The following CAMTA1 variants were observed in gnomAD, a reference collection of about 807,000 sequenced individuals.
CAMTA1 encodes calmodulin binding transcription activator 1.
A neutral mutation model predicts 170.9 loss-of-function variants in CAMTA1; 27 were observed. The observed-to-expected ratio is 0.16, with a 90% confidence interval of 0.12 to 0.22. The LOEUF (loss-of-function observed/expected upper bound fraction) is 0.22. CAMTA1 is among the 10% of genes least tolerant of loss of function. CAMTA1 has a pLI of 1.00. For synonymous variants in CAMTA1, 833 were observed against 891.5 expected (o/e 0.93, Z 1.17); for missense variants, 1,619 against 2,217.2 (o/e 0.73, Z 5.42).
chr1:6,844,819 A>G (rs4908570), intron 3 of CAMTA1, among the ~76,000 whole-genome samples: 102,695 of 151,986 alleles, frequency 0.68, 35,129 homozygotes, highest in Admixed American at 0.76. Flanking sequence ...CTCACAGAAT[A>G]CATACGATCA....
At chr1:7,100,799 G>A (rs764499254) in intron 4 of CAMTA1, among the ~76,000 whole-genome samples, 5 of 152,224 alleles carry the variant, frequency 3.3e-5, no homozygotes, top group South Asian at 2.1e-4. Context: ...TCTTGGGGAC[G>A]GCCAGGGCCA....
intron 5 of CAMTA1, among the ~76,000 whole-genome samples, chr1:7,408,758 G>C (rs1359651217): frequency 2.6e-5 from 4 of 152,232 alleles, no homozygotes; most frequent in Non-Finnish European, 5.9e-5. Context: ...GCAAGCATCA[G>C]AGCCGAGAGG....
intron 3 of CAMTA1, among the ~76,000 whole-genome samples, chr1:6,969,321 A>T (rs1284192462): frequency 1.3e-5 from 2 of 152,130 alleles, no homozygotes; most frequent in African/African-American, 4.8e-5. Flanking sequence ...GATGCCTGTG[A>T]CCTGAGTGGA....
intron 5 of CAMTA1, among the ~76,000 whole-genome samples, chr1:7,386,905 G>A (rs994763291): frequency 3.3e-4 from 51 of 152,266 alleles, no homozygotes; most frequent in African/African-American, 1.0e-3. Flanking sequence ...GGCAGTCTCC[G>A]CTGGTGACGT....
chr1:7,282,480 G>A (rs1671663615), intron 5 of CAMTA1, among the ~76,000 whole-genome samples: 1 of 152,150 alleles, frequency 6.6e-6, no homozygotes, highest in Admixed American at 6.5e-5. Flanking sequence ...CTGGACGGGT[G>A]GTTTCTATTC....
At chr1:7,617,296 C>CG (rs2095565603) in intron 6 of CAMTA1, among the ~76,000 whole-genome samples, 1 of 152,132 alleles carries the variant, frequency 6.6e-6, no homozygotes, top group Non-Finnish European at 1.5e-5. Flanking sequence ...TCCAGCTCAG[C>CG]GGGGGAAGAG....
At chr1:6,985,727 C>T (rs1040630578) in intron 3 of CAMTA1, among the ~76,000 whole-genome samples, 4 of 152,124 alleles carry the variant, frequency 2.6e-5, no homozygotes, top group East Asian at 1.9e-4. Context: ...TAGCAGTGCA[C>T]GGGGAGGATT....
chr1:7,319,860 ATTTTTTTT>A (rs35282935), intron 5 of CAMTA1, among the ~76,000 whole-genome samples: 1 of 149,894 alleles, frequency 6.7e-6, no homozygotes, highest in Non-Finnish European at 1.5e-5. Flanking sequence ...ATACTAAATC[ATTTTTTTT>A]TTCCTTGGCA....
chr1:7,197,204 C>T (rs1655680868), intron 4 of CAMTA1, among the ~76,000 whole-genome samples: 1 of 152,154 alleles, frequency 6.6e-6, no homozygotes, highest in East Asian at 1.9e-4. Flanking sequence ...CCTCTGAGAA[C>T]ACTGAAGCCA....
At chr1:7,375,471 C>T (rs1024581771) in intron 5 of CAMTA1, among the ~76,000 whole-genome samples, 1 of 152,196 alleles carries the variant, frequency 6.6e-6, no homozygotes, top group South Asian at 2.1e-4. Flanking sequence ...TATGCACTCA[C>T]CTGGTTGCCA....
chr1:6,785,457 G>C lies in CAMTA1; in HGVS notation c.-74G>C. ...GGGGCCAGGGCGGGTGCGCGGCGGC[G>C]GCGGGGTGGCTGGGCCGGCGGCGGC... On this transcript the variant is annotated 5_prime_UTR_variant, in exon 1 of 23. Transcript: ENST00000303635. 1.0e-6 allele frequency: 1 copy of C among 968,814 alleles called. No homozygotes were observed. Among genetic ancestry groups the C allele is most frequent in the South Asian group, 4.7e-5 (1 of 21,348 alleles). The allele number at this position is 968,814 out of a possible 1,614,324, so 60.0% of individuals were successfully genotyped here. A position where few individuals can be genotyped will look rare whatever the true frequency, so the allele number is the denominator to read the frequency against.
chr1:6,891,114 T>C (rs1223552636), intron 3 of CAMTA1, among the ~76,000 whole-genome samples: 1 of 152,176 alleles, frequency 6.6e-6, no homozygotes, highest in African/African-American at 2.4e-5. Flanking sequence ...ACATTTCTCT[T>C]TCCTTCCTCA....
At chr1:7,101,489 T>C (rs1325124549) in intron 4 of CAMTA1, among the ~76,000 whole-genome samples, 1 of 152,262 alleles carries the variant, frequency 6.6e-6, no homozygotes, top group Non-Finnish European at 1.5e-5. Flanking sequence ...CTGTCTTTGC[T>C]ATTCTTAGAT....
chr1:6,982,329 G>A (rs1239273267), intron 3 of CAMTA1, among the ~76,000 whole-genome samples: 2 of 152,198 alleles, frequency 1.3e-5, no homozygotes, highest in Non-Finnish European at 2.9e-5. Flanking sequence ...TGGAGATGAT[G>A]GACAGAGCTC....
chr1:7,511,178 C>G (rs2094197698), intron 6 of CAMTA1, among the ~76,000 whole-genome samples: 1 of 145,324 alleles, frequency 6.9e-6, no homozygotes, highest in Non-Finnish European at 1.5e-5. Context: ...GGGCACCTTG[C>G]ATAGTAGGTT....
At chr1:7,354,171 CAG>C (rs1453539397) in intron 5 of CAMTA1, among the ~76,000 whole-genome samples, 1 of 143,248 alleles carries the variant, frequency 7.0e-6, no homozygotes, top group Non-Finnish European at 1.5e-5. Context: ...TTTTTTGAGA[CAG>C]AGTCTTGTTC....
chr1:6,979,779 C>T (rs991242479), intron 3 of CAMTA1, among the ~76,000 whole-genome samples: 3 of 151,898 alleles, frequency 2.0e-5, no homozygotes, highest in East Asian at 1.9e-4. Context: ...GGGACACTGT[C>T]GCCTCATGGT....
chr1:7,208,264 G>A (rs1051516739), intron 4 of CAMTA1, among the ~76,000 whole-genome samples: 7 of 152,160 alleles, frequency 4.6e-5, no homozygotes, highest in African/African-American at 1.4e-4. Context: ...TTTGTTCTTT[G>A]GTTTGTTCAT....
At chr1:6,908,521 G>A (rs953866331) in intron 3 of CAMTA1, among the ~76,000 whole-genome samples, 1 of 152,224 alleles carries the variant, frequency 6.6e-6, no homozygotes, top group African/African-American at 2.4e-5. Context: ...ACCTCCTGAT[G>A]GTCTACTGTC....
Sources: allele counts gnomAD v4.1 joint callset (sites outside exome capture counted in the v4.1 genomes callset), GRCh38; gene constraint gnomAD v4.1.1; transcripts MANE v1.5; gene names NCBI Gene and HGNC (gene_info 2026-07-23, HGNC 2026-07-21).